LSAMP: variants seen among roughly 807,000 people sequenced by gnomAD.
LSAMP encodes the protein limbic system associated membrane protein, also known as limbic system-associated membrane protein.
In LSAMP, 7 loss-of-function variants were observed where a neutral mutation model predicts 38.6. The observed-to-expected ratio is 0.18, with a 90% CI of 0.10 to 0.34. The LOEUF (loss-of-function observed/expected upper bound fraction) is 0.34, where lower values mean the gene tolerates loss of function less well. LSAMP is among the 10% of genes least tolerant of loss of function. The pLI, the probability that LSAMP is intolerant of heterozygous loss-of-function variation, is 1.00. For missense variants in LSAMP, 313 were observed against 420.0 expected (o/e 0.75, Z 2.23); for synonymous variants, 154 against 166.8 (o/e 0.92, Z 0.59).
intron 2 of LSAMP, among the ~76,000 whole-genome samples, chr3:116,058,938 G>GT (rs71906076): frequency 0.46 from 68,492 of 147,934 alleles, 16,680 homozygotes; most frequent in African/African-American, 0.65. Flanking sequence ...TTGTTTGTTC[G>GT]TTTTTTTTTT....
intron 2 of LSAMP, among the ~76,000 whole-genome samples, chr3:116,041,811 C>CAAAAAA (rs763365903): frequency 2.2e-5 from 2 of 89,380 alleles, no homozygotes; most frequent in African/African-American, 4.5e-5. Context: ...AAAAACAAAA[C>CAAAAAA]AAAACAAAAA....
intron 1 of LSAMP, among the ~76,000 whole-genome samples, chr3:116,410,279 G>T (rs1217566542): frequency 1.3e-5 from 2 of 151,930 alleles, no homozygotes; most frequent in African/African-American, 4.8e-5. Flanking sequence ...TCACTAAATA[G>T]AGGCTTAAAT....
chr3:116,298,717 G>A (rs2047368325), intron 1 of LSAMP, among the ~76,000 whole-genome samples: 1 of 152,038 alleles, frequency 6.6e-6, no homozygotes, highest in African/African-American at 2.4e-5. Flanking sequence ...TCTTTTTCTT[G>A]TTGGAGACAG....
chr3:116,104,344 A>G (rs916605978), intron 1 of LSAMP, among the ~76,000 whole-genome samples: 2 of 152,116 alleles, frequency 1.3e-5, no homozygotes, highest in African/African-American at 4.8e-5. Flanking sequence ...ATTGTGTAGT[A>G]AAGTGTTTCT....
At chr3:115,818,949 C>G in intron 6 of LSAMP, among the ~76,000 whole-genome samples, 1 of 147,110 alleles carries the variant, frequency 6.8e-6, no homozygotes, top group South Asian at 2.2e-4. Context: ...CACCTGAGGT[C>G]GGGAGTTTGA....
At chr3:115,948,090 A>G (rs976356308) in intron 3 of LSAMP, among the ~76,000 whole-genome samples, 5 of 152,244 alleles carry the variant, frequency 3.3e-5, no homozygotes, top group Non-Finnish European at 7.3e-5. Flanking sequence ...AGTAAAGTCC[A>G]AGAACATTTC....
At chr3:116,036,663 C>T (rs1452244315) in intron 2 of LSAMP, among the ~76,000 whole-genome samples, 1 of 151,982 alleles carries the variant, frequency 6.6e-6, no homozygotes, top group East Asian at 1.9e-4. Flanking sequence ...TTATAAAATG[C>T]ATAGTGTCAA....
chr3:116,407,178 TTC>T (rs1211649093), intron 1 of LSAMP, among the ~76,000 whole-genome samples: 1 of 152,096 alleles, frequency 6.6e-6, no homozygotes, highest in Non-Finnish European at 1.5e-5. Context: ...TTATGTATCC[TTC>T]TCTCTGTTCA....
At position 116,418,993 on chromosome 3, in the gene LSAMP, T is replaced by C. The variant is rs1242962538; in HGVS notation, c.155+25884A>G. ...TGTGCTATTTCCTCTCCCCAACATATCTGTTCTTATTCCTTTTAACCATCA... is the reference window on the plus strand; with the variant it reads ...TGTGCTATTTCCTCTCCCCAACATACCTGTTCTTATTCCTTTTAACCATCA... On this transcript the variant is annotated intron_variant, in intron 1 of 6. Transcript: ENST00000490035. Among the ~76,000 whole-genome samples the C allele has an allele frequency of 2.0e-5, 3 of 152,174 alleles. No homozygotes were observed. The East Asian group carries it at 5.8e-4, about 29-fold the overall frequency.
chr3:115,980,011 A>T (rs997435294), intron 3 of LSAMP, among the ~76,000 whole-genome samples: 1 of 152,116 alleles, frequency 6.6e-6, no homozygotes, highest in African/African-American at 2.4e-5. Context: ...TCTAAAGTCA[A>T]CTTGTATTTG....
chr3:115,985,075 T>C (rs1204905618), intron 3 of LSAMP, among the ~76,000 whole-genome samples: 1 of 152,180 alleles, frequency 6.6e-6, no homozygotes. Context: ...CAAAAGGCTT[T>C]TATTTAGACT....
chr3:115,814,133 A>G (rs1393115357), intron 6 of LSAMP: 3 of 152,202 alleles, frequency 2.0e-5, no homozygotes, highest in Non-Finnish European at 4.4e-5. Flanking sequence ...AGAAGTTTGG[A>G]TTACAGAAAG....
intron 3 of LSAMP, among the ~76,000 whole-genome samples, chr3:115,915,340 G>T (rs1195501090): frequency 6.6e-6 from 1 of 152,204 alleles, no homozygotes; most frequent in Non-Finnish European, 1.5e-5. Context: ...AGTTTCTCCA[G>T]TGTCTGCTTG....
At chr3:116,152,041 T>A (rs1233878912) in intron 1 of LSAMP, among the ~76,000 whole-genome samples, 1 of 152,120 alleles carries the variant, frequency 6.6e-6, no homozygotes, top group African/African-American at 2.4e-5. Context: ...CTACCTAACT[T>A]ATTCCTTACC....
intron 3 of LSAMP, among the ~76,000 whole-genome samples, chr3:115,889,591 A>T (rs1292505207): frequency 6.6e-6 from 1 of 151,986 alleles, no homozygotes; most frequent in Non-Finnish European, 1.5e-5. Context: ...GTTATGTATA[A>T]CATAAATGGA....
chr3:116,172,206 C>T (rs1305244350), intron 1 of LSAMP, among the ~76,000 whole-genome samples: 2 of 151,930 alleles, frequency 1.3e-5, no homozygotes, highest in Non-Finnish European at 2.9e-5. Flanking sequence ...AAAATGACTG[C>T]TGGCCATGCG....
At chr3:116,143,172 T>C (rs1275766553) in intron 1 of LSAMP, among the ~76,000 whole-genome samples, 1 of 151,812 alleles carries the variant, frequency 6.6e-6, no homozygotes, top group African/African-American at 2.4e-5. Flanking sequence ...AGAAACGCCT[T>C]ACAGGCATAG....
intron 1 of LSAMP, among the ~76,000 whole-genome samples, chr3:116,130,345 CA>C (rs1448718780): frequency 8.5e-5 from 13 of 152,250 alleles, no homozygotes; most frequent in African/African-American, 3.1e-4. Flanking sequence ...TATAAACATA[CA>C]AATAGAAAAC....
intron 3 of LSAMP, among the ~76,000 whole-genome samples, chr3:115,977,045 G>A (rs1005279463): frequency 6.6e-6 from 1 of 152,052 alleles, no homozygotes; most frequent in East Asian, 1.9e-4. Flanking sequence ...GCATAACATT[G>A]AGCGGAAGAA....
Sources: allele counts gnomAD v4.1 joint callset (sites outside exome capture counted in the v4.1 genomes callset), GRCh38; gene constraint gnomAD v4.1.1; transcripts MANE v1.5; gene names NCBI Gene and HGNC (gene_info 2026-07-23, HGNC 2026-07-21).